The following PAG1 variants were observed in gnomAD, a reference collection of about 807,000 sequenced individuals.
The protein encoded by PAG1 is phosphoprotein membrane anchor with glycosphingolipid microdomains 1.
Under a neutral mutation model 31.7 loss-of-function variants are expected in PAG1, and 23 were observed. The ratio of observed to expected loss-of-function variants is 0.73; its 90% CI spans 0.52 to 1.03. The LOEUF (loss-of-function observed/expected upper bound fraction) is 1.03. PAG1 is among the 50% of genes least tolerant of loss of function. The probability of loss-of-function intolerance (pLI) is 0.00; values close to 1 mark genes in which losing one functional copy is unlikely to be tolerated. For synonymous variants in PAG1, 214 were observed against 210.3 expected (o/e 1.02, Z -0.15); for missense variants, 473 against 540.7 (o/e 0.87, Z 1.24).
chr8:81,100,289 A>G (rs1250152234), intron 1 of PAG1, among the ~76,000 whole-genome samples: 1 of 152,236 alleles, frequency 6.6e-6, no homozygotes, highest in Non-Finnish European at 1.5e-5. Flanking sequence ...TAGGTGTTCA[A>G]TAAATGATTA....
chr8:81,061,135 G>A (rs758215606), intron 2 of PAG1, among the ~76,000 whole-genome samples: 23 of 152,306 alleles, frequency 1.5e-4, no homozygotes, highest in Non-Finnish European at 2.9e-4. Flanking sequence ...CAGGCTACTG[G>A]GCTGGAAGTC....
chr8:81,098,442 G>A (rs1051895692), intron 1 of PAG1, among the ~76,000 whole-genome samples: 1 of 151,974 alleles, frequency 6.6e-6, no homozygotes, highest in Non-Finnish European at 1.5e-5. Context: ...ATTTACTCTA[G>A]TGGATTCTCC....
chr8:81,088,748 T>C (rs970842909), intron 1 of PAG1, among the ~76,000 whole-genome samples: 1 of 152,084 alleles, frequency 6.6e-6, no homozygotes, highest in African/African-American at 2.4e-5. Flanking sequence ...TAGCTTAACA[T>C]GCCAGTGGAA....
At chr8:81,068,623 A>G (rs960682938) in intron 2 of PAG1, among the ~76,000 whole-genome samples, 7 of 152,368 alleles carry the variant, frequency 4.6e-5, no homozygotes, top group African/African-American at 1.7e-4. Context: ...TGTCAGAGAT[A>G]TATTCATTTA....
intron 2 of PAG1, among the ~76,000 whole-genome samples, chr8:81,045,244 C>A (rs1187611151): frequency 1.3e-5 from 2 of 152,126 alleles, no homozygotes; most frequent in Non-Finnish European, 2.9e-5. Context: ...TGAAGCACTC[C>A]ACTGATAATG....
intron 2 of PAG1, among the ~76,000 whole-genome samples, chr8:81,052,664 A>C (rs972184571): frequency 8.5e-5 from 13 of 152,372 alleles, no homozygotes; most frequent in South Asian, 6.2e-4. Context: ...GAAATATATT[A>C]ATCTTTAAGA....
chr8:81,059,391 C>T (rs1808881489), intron 2 of PAG1, among the ~76,000 whole-genome samples: 3 of 151,706 alleles, frequency 2.0e-5, no homozygotes, highest in Admixed American at 2.0e-4. Flanking sequence ...AAAAATATTA[C>T]AGCATTTTAT....
At chr8:81,025,553 T>C (rs928058577) in intron 3 of PAG1, among the ~76,000 whole-genome samples, 55 of 152,262 alleles carry the variant, frequency 3.6e-4, no homozygotes, top group Middle Eastern at 3.4e-3. Flanking sequence ...CTCTCCACAC[T>C]GGCAGGTCGT....
intron 2 of PAG1, among the ~76,000 whole-genome samples, chr8:81,045,892 A>T (rs1391887019): frequency 6.6e-6 from 1 of 152,230 alleles, no homozygotes; most frequent in Non-Finnish European, 1.5e-5. Context: ...AGAAAACTTG[A>T]CAGATAAGGA....
intron 1 of PAG1, among the ~76,000 whole-genome samples, chr8:81,095,953 A>C (rs2131087191): frequency 6.6e-6 from 1 of 152,362 alleles, no homozygotes; most frequent in East Asian, 1.9e-4. Context: ...AACGGACTCC[A>C]TTAAAGAAGG....
At chr8:81,104,858 TA>T (rs1193882380) in intron 1 of PAG1, among the ~76,000 whole-genome samples, 1 of 152,116 alleles carries the variant, frequency 6.6e-6, no homozygotes, top group Non-Finnish European at 1.5e-5. Context: ...GTGATCATTC[TA>T]AAAAAGTACT....
chr8:81,002,525 T>G (rs972178070), intron 3 of PAG1, among the ~76,000 whole-genome samples: 13 of 152,192 alleles, frequency 8.5e-5, no homozygotes, highest in Non-Finnish European at 1.6e-4. Flanking sequence ...CAAAGGAATG[T>G]CAACAGAGGA....
chr8:81,104,003 A>C (rs73282046), intron 1 of PAG1, among the ~76,000 whole-genome samples: 28,036 of 152,152 alleles, frequency 0.18, 2,713 homozygotes, highest in Middle Eastern at 0.24. Context: ...TGAGATCCAG[A>C]AAAAAATAAG....
chr8:81,083,424 G>T (rs1177076732), intron 1 of PAG1, among the ~76,000 whole-genome samples: 1 of 152,060 alleles, frequency 6.6e-6, no homozygotes, highest in Admixed American at 6.5e-5. Flanking sequence ...AAAAGCCTTG[G>T]CTCCCTACTC....
At chr8:81,052,503 A>G (rs903984202) in intron 2 of PAG1, among the ~76,000 whole-genome samples, 4 of 152,222 alleles carry the variant, frequency 2.6e-5, no homozygotes, top group Admixed American at 2.6e-4. Context: ...TCTAAAGCAG[A>G]ATGTAAAATC....
At chr8:80,988,500 G>A (rs1807472248) in intron 5 of PAG1, among the ~76,000 whole-genome samples, 1 of 152,014 alleles carries the variant, frequency 6.6e-6, no homozygotes, top group African/African-American at 2.4e-5. Flanking sequence ...TCACCTTGTT[G>A]CCCAGGCTGG....
chr8:80,993,450 G>A (rs1807602549), intron 3 of PAG1, 143 bp from the exon 4 acceptor site: 2 of 481,202 alleles, frequency 4.2e-6, no homozygotes, highest in Non-Finnish European at 7.3e-6. Flanking sequence ...GACTGGACTT[G>A]AAATTGGACT....
intron 2 of PAG1, among the ~76,000 whole-genome samples, chr8:81,053,965 G>T (rs890357584): frequency 6.6e-6 from 1 of 152,158 alleles, no homozygotes; most frequent in Non-Finnish European, 1.5e-5. Context: ...ACTCACCTCT[G>T]ACACTATTGC....
intron 1 of PAG1, among the ~76,000 whole-genome samples, chr8:81,093,738 C>T (rs16908572): frequency 0.022 from 3,323 of 151,964 alleles, 117 homozygotes; most frequent in African/African-American, 0.076. Context: ...CCTCTCTGGA[C>T]GATCAGCCAC....
Sources: allele counts gnomAD v4.1 joint callset (sites outside exome capture counted in the v4.1 genomes callset), GRCh38; gene constraint gnomAD v4.1.1; transcripts MANE v1.5; gene names NCBI Gene and HGNC (gene_info 2026-07-23, HGNC 2026-07-21).